Variants in PCDHA3 observed in about 807,000 individuals in gnomAD.
PCDHA3 encodes protocadherin alpha-3.
A neutral mutation model predicts 62.2 loss-of-function variants in PCDHA3; 41 were observed. The observed-to-expected ratio is 0.66, with a 90% CI of 0.51 to 0.86. PCDHA3 has a LOEUF of 0.86. PCDHA3 is among the 40% of genes least tolerant of loss of function. PCDHA3 has a pLI of 0.00. For synonymous variants in PCDHA3, 640 were observed against 555.4 expected (o/e 1.15, Z -2.14); for missense variants, 1,304 against 1,241.2 (o/e 1.05, Z -0.76).
chr5:140,875,134 T>G (rs2055288976), intron 1 of PCDHA3, among the ~76,000 whole-genome samples: 1 of 152,238 alleles, frequency 6.6e-6, no homozygotes, highest in Admixed American at 6.5e-5. Flanking sequence ...TAAACCCGCA[T>G]TTATAAATGA....
At chr5:140,924,738 T>C (rs2153573504) in intron 1 of PCDHA3, among the ~76,000 whole-genome samples, 1 of 151,522 alleles carries the variant, frequency 6.6e-6, no homozygotes, top group Admixed American at 6.6e-5. Flanking sequence ...CTAATAAAAA[T>C]ACAAAAATTA....
intron 1 of PCDHA3, among the ~76,000 whole-genome samples, chr5:140,957,259 T>A (rs1554222896): frequency 6.6e-6 from 1 of 152,182 alleles, no homozygotes; most frequent in Admixed American, 6.5e-5. Context: ...TTTAAATATG[T>A]AAGCACTAGT....
chr5:140,882,539 G>A (rs1303287274), intron 1 of PCDHA3: 2 of 1,614,110 alleles, frequency 1.2e-6, no homozygotes, highest in African/African-American at 2.7e-5. Flanking sequence ...TTCTCGGATC[G>A]ACCGCGAGGA....
At chr5:140,851,204 A>T in intron 1 of PCDHA3, 2 of 1,181,712 alleles carry the variant, frequency 1.7e-6, no homozygotes, top group Non-Finnish European at 2.2e-6. Context: ...TTAGTCATTC[A>T]TTAAACATTA....
At chr5:140,825,101 T>A (rs2150138221) in intron 1 of PCDHA3, 2 of 151,960 alleles carry the variant, frequency 1.3e-5, no homozygotes, top group African/African-American at 4.8e-5. Context: ...ATTTTTTTCA[T>A]ATACAAATAA....
intron 1 of PCDHA3, chr5:140,871,103 C>G (rs202137231): frequency 4.3e-6 from 7 of 1,613,290 alleles, no homozygotes; most frequent in South Asian, 2.2e-5. Flanking sequence ...GTGCTGGTGT[C>G]GTTGGTGGAG....
At chr5:140,910,213 G>C (rs1375224674) in intron 1 of PCDHA3, among the ~76,000 whole-genome samples, 1 of 152,170 alleles carries the variant, frequency 6.6e-6, no homozygotes, top group African/African-American at 2.4e-5. Flanking sequence ...TGACCTGGAA[G>C]TTTTCTGCTT....
intron 1 of PCDHA3, among the ~76,000 whole-genome samples, chr5:140,934,368 C>A (rs2089796426): frequency 6.6e-6 from 1 of 152,102 alleles, no homozygotes; most frequent in African/African-American, 2.4e-5. Context: ...TGCTTTGACT[C>A]CTTCTGTGGT....
chr5:140,911,187 G>A (rs911666410), intron 1 of PCDHA3, among the ~76,000 whole-genome samples: 1 of 152,102 alleles, frequency 6.6e-6, no homozygotes, highest in Non-Finnish European at 1.5e-5. Context: ...TGTGGGTTGG[G>A]GAGGACATGT....
In PCDHA3 at chr5:140,849,850, C is replaced by A. The variant is rs17844329; in HGVS notation, c.2394+46259C>A. ...GAGGTGGCCGACGTGAACGACAACG[C>A]ACCAGCGTTCGCGCAGTCCGAGTAC... On this transcript the variant is annotated intron_variant, in intron 1 of 3. Transcript: ENST00000522353. The A allele has an allele frequency of 2.5e-4, 392 of 1,598,618 alleles. 6 individuals carry two copies. The East Asian group carries it at 8.6e-3, about 35-fold the overall frequency.
chr5:140,871,292 C>A (rs2052919411), intron 1 of PCDHA3: 2 of 1,613,772 alleles, frequency 1.2e-6, no homozygotes, highest in Non-Finnish European at 8.5e-7. Flanking sequence ...ACTGAGGGCG[C>A]GTGCGCGCCG....
At chr5:140,890,784 T>C (rs2062805881) in intron 1 of PCDHA3, among the ~76,000 whole-genome samples, 1 of 152,212 alleles carries the variant, frequency 6.6e-6, no homozygotes, top group South Asian at 2.1e-4. Flanking sequence ...CCATAAGATA[T>C]TAGTATTATT....
intron 1 of PCDHA3, chr5:140,870,380 C>T (rs373356425): frequency 1.3e-5 from 21 of 1,614,064 alleles, no homozygotes; most frequent in East Asian, 2.2e-5. Flanking sequence ...GTGGTGACTG[C>T]GCGGGATGGG....
intron 1 of PCDHA3, chr5:140,875,303 C>T (rs2055408923): frequency 2.1e-6 from 3 of 1,414,848 alleles, no homozygotes; most frequent in Admixed American, 2.9e-5. Context: ...TTTTTCTCCG[C>T]ACCCACATTC....
chr5:140,902,956 G>A (rs1356131798), intron 1 of PCDHA3, among the ~76,000 whole-genome samples: 3 of 152,242 alleles, frequency 2.0e-5, no homozygotes, highest in Non-Finnish European at 4.4e-5. Context: ...TTATCCACTT[G>A]TTGGCTGATG....
intron 1 of PCDHA3, chr5:140,815,922 A>G (rs1209942004): frequency 6.6e-6 from 1 of 152,132 alleles, no homozygotes; most frequent in Non-Finnish European, 1.5e-5. Flanking sequence ...TCTGGATGGC[A>G]AGGTTTCTAC....
chr5:140,811,516 A>T (rs1416557268), intron 1 of PCDHA3: 2 of 152,220 alleles, frequency 1.3e-5, no homozygotes, highest in Non-Finnish European at 1.5e-5. Flanking sequence ...TCCTTTAGAT[A>T]TATACCCAGT....
At chr5:140,879,854 C>G (rs2058149387) in intron 1 of PCDHA3, among the ~76,000 whole-genome samples, 1 of 152,200 alleles carries the variant, frequency 6.6e-6, no homozygotes, top group African/African-American at 2.4e-5. Context: ...CCCATCTCAG[C>G]CTTCTCAGCT....
intron 1 of PCDHA3, chr5:140,809,272 T>G (rs782439695): frequency 6.2e-7 from 1 of 1,613,988 alleles, no homozygotes; most frequent in Admixed American, 1.7e-5. Context: ...CGCTGGTGGA[T>G]GTCAACGTAT....
Sources: gnomAD v4.1 joint callset for allele counts (sites outside exome capture counted in the v4.1 genomes callset) on GRCh38, gnomAD v4.1.1 for gene constraint, MANE v1.5 for transcripts, NCBI Gene and HGNC (gene_info 2026-07-23, HGNC 2026-07-21) for gene names.